Variants in SI observed in about 807,000 individuals in gnomAD.
SI encodes sucrase-isomaltase, intestinal.
In SI, 235 loss-of-function variants were observed where a neutral mutation model predicts 253.3. That is an observed-to-expected ratio of 0.93 (90% CI 0.83 to 1.03). The LOEUF is 1.03. Ranked by LOEUF, SI falls within the 50% of genes least tolerant of loss-of-function variation. The probability of loss-of-function intolerance (pLI) is 0.00; values close to 1 mark genes in which losing one functional copy is unlikely to be tolerated. For missense variants in SI, 2,442 were observed against 2,211.1 expected, an observed-to-expected ratio of 1.10 and a Z score of -2.09; for synonymous variants, 819 against 712.0, an observed-to-expected ratio of 1.15 and a Z score of -2.39.
At chr3:165,090,158 A>AG in the SI span, among the ~76,000 whole-genome samples, 177 of 103,578 alleles carry the variant, frequency 1.7e-3, no homozygotes, top group African/African-American at 5.0e-3. Context: ...TTAAAAAAAA[A>AG]AAGAGAGAGA....
intron 1 of SI, among the ~76,000 whole-genome samples, chr3:165,077,885 A>G (rs1715104133): frequency 6.6e-6 from 1 of 151,506 alleles, no homozygotes; most frequent in Non-Finnish European, 1.5e-5. Flanking sequence ...AAAAAATATG[A>G]TCCCTGTAAT....
chr3:165,082,449 C>T (rs1450396703), upstream of SI, among the ~76,000 whole-genome samples: 2 of 151,922 alleles, frequency 1.3e-5, no homozygotes, highest in African/African-American at 4.8e-5. Context: ...TCATTATATG[C>T]CCAGTGCAGT....
intron 25 of SI, among the ~76,000 whole-genome samples, chr3:165,026,726 G>A (rs1711943370): frequency 1.3e-5 from 2 of 151,110 alleles, no homozygotes; most frequent in African/African-American, 4.8e-5. Context: ...ATGATCATTG[G>A]GTCAAAAATA....
intron 37 of SI, among the ~76,000 whole-genome samples, chr3:164,999,136 A>T (rs549372120): frequency 6.6e-6 from 1 of 151,936 alleles, no homozygotes; most frequent in Admixed American, 6.6e-5. Context: ...TAAAGGTTTA[A>T]TTTGAAGAGA....
At chr3:165,044,549 A>G (rs1713015837) in intron 16 of SI, among the ~76,000 whole-genome samples, 1 of 151,960 alleles carries the variant, frequency 6.6e-6, no homozygotes, top group Admixed American at 6.6e-5. Context: ...TTGGGTCCCT[A>G]TAGATTACTC....
At chr3:165,059,551 C>T (rs146853916) in intron 10 of SI, among the ~76,000 whole-genome samples, 2 of 151,774 alleles carry the variant, frequency 1.3e-5, no homozygotes, top group African/African-American at 2.4e-5. Flanking sequence ...TTTTTATATA[C>T]GTGGATTTCA....
intron 17 of SI, 125 bp downstream of exon 17, chr3:165,042,934 T>A: frequency 1.4e-6 from 1 of 728,656 alleles, no homozygotes; most frequent in Admixed American, 2.0e-5. Flanking sequence ...GAGGGACTTC[T>A]AACAATGTCT....
intron 25 of SI, among the ~76,000 whole-genome samples, chr3:165,026,902 A>G (rs1033844522): frequency 1.3e-5 from 2 of 151,326 alleles, no homozygotes; most frequent in African/African-American, 4.8e-5. Context: ...CTAAGGTCAC[A>G]CTTCAAGGAA....
chr3:165,042,876 G>A (rs1218457876), intron 17 of SI, among the ~76,000 whole-genome samples, 183 bp downstream of exon 17: 4 of 151,858 alleles, frequency 2.6e-5, no homozygotes, highest in South Asian at 4.1e-4. Flanking sequence ...TTATTTGACC[G>A]TTTTTTAAAA....
chr3:165,048,540 G>A (rs144439665), intron 15 of SI, among the ~76,000 whole-genome samples: 412 of 139,170 alleles, frequency 3.0e-3, no homozygotes, highest in Non-Finnish European at 5.3e-3. Flanking sequence ...AAGAGTCTTA[G>A]TTAAATATAT....
At chr3:165,023,172 A>C (rs1041996035) in intron 26 of SI, among the ~76,000 whole-genome samples, 1 of 151,568 alleles carries the variant, frequency 6.6e-6, no homozygotes, top group Non-Finnish European at 1.5e-5. Flanking sequence ...TGCTATCTCT[A>C]AAAGTTGAAT....
chr3:165,089,026 T>C, the SI span, among the ~76,000 whole-genome samples: 1 of 151,920 alleles, frequency 6.6e-6, no homozygotes, highest in Non-Finnish European at 1.5e-5. Context: ...ATGAACTTTT[T>C]CACCTCCCAA....
intron 8 of SI, among the ~76,000 whole-genome samples, chr3:165,063,106 T>G (rs1714062999): frequency 2.0e-5 from 3 of 152,110 alleles, no homozygotes; most frequent in Admixed American, 2.0e-4. Context: ...GACATCTTTT[T>G]TGTTTTCATT....
chr3:165,061,539 T>A (rs1238779455), intron 9 of SI, among the ~76,000 whole-genome samples: 2 of 152,022 alleles, frequency 1.3e-5, no homozygotes, highest in Admixed American at 1.3e-4. Flanking sequence ...TAAAATTTTT[T>A]ATAGTAATCA....
the SI span, among the ~76,000 whole-genome samples, chr3:165,088,522 TC>T: frequency 2.0e-5 from 3 of 151,710 alleles, no homozygotes; most frequent in African/African-American, 4.8e-5. Context: ...GTGCCTGTAG[TC>T]CCAGGTACTC....
Position 164,992,178 on chromosome 3 carries a change from GTA to G in SI, c.4980_4981del (p.Thr1661ArgfsTer14), listed in dbSNP as rs756088593. 9.9e-6 allele frequency: 16 copies of G among 1,609,442 alleles called. No individual in the cohort carries two copies. Among genetic ancestry groups the G allele is most frequent in the Non-Finnish European group, 1.4e-5 (16 of 1,177,546 alleles). ...CCCCAGAATTCCTTAAATACTTACT[GTA>G]TGGTAGTCAAACCACCGAGCATTGG... On this transcript the variant is annotated frameshift_variant and splice_region_variant, in exon 43 of 48. Coordinates refer to ENST00000264382, the MANE Select transcript of SI (RefSeq NM_001041.4). LOFTEE classifies it high-confidence loss of function.
intron 35 of SI, among the ~76,000 whole-genome samples, 185 bp from the exon 36 acceptor site, chr3:165,008,183 TCA>T (rs1394154698): frequency 6.6e-6 from 1 of 151,968 alleles, no homozygotes; most frequent in Non-Finnish European, 1.5e-5. Flanking sequence ...ATTGCTTTTT[TCA>T]GTTTCCTTTT....
At chr3:164,994,554 A>C (rs930233400) in intron 40 of SI, 149 bp from the exon 41 acceptor site, 36 of 739,118 alleles carry the variant, frequency 4.9e-5, no homozygotes, top group Non-Finnish European at 8.0e-5. Flanking sequence ...CTTACACAAT[A>C]ATATTTCTAT....
Position 164,983,071 on chromosome 3 carries a change from A to T in SI, c.5198-20T>A, listed in dbSNP as rs756916217. The T allele has an allele frequency of 3.3e-6, 5 of 1,536,224 alleles. No individual in the cohort carries two copies. The African/African-American group carries it at 5.4e-5, about 17-fold the overall frequency. On this transcript the variant is annotated intron_variant, in intron 45 of 47. Coordinates refer to ENST00000264382, the MANE Select transcript of SI (RefSeq NM_001041.4). ...AGGTGTCTGTAGAGAGAGAAAAAAA[A>T]TGTGATATATTGTTATTTCCAAAGA...
Sources: gnomAD v4.1 joint callset for allele counts (sites outside exome capture counted in the v4.1 genomes callset) on GRCh38, gnomAD v4.1.1 for gene constraint, MANE v1.5 for transcripts, NCBI Gene and HGNC (gene_info 2026-07-23, HGNC 2026-07-21) for gene names.